CAMKK2: variants seen among roughly 807,000 people sequenced by gnomAD.
The protein encoded by CAMKK2 is calcium/calmodulin dependent protein kinase kinase 2.
A neutral mutation model predicts 67.2 loss-of-function variants in CAMKK2; 30 were observed. The observed-to-expected ratio is 0.45, with a 90% CI of 0.33 to 0.61. The LOEUF is 0.61. Among genes scored for constraint, CAMKK2 ranks in the 20% least tolerant of loss-of-function variants. The pLI is 0.02. For synonymous variants in CAMKK2, 322 were observed against 326.2 expected, an observed-to-expected ratio of 0.99 and a Z score of 0.14; for missense variants, 643 against 802.0, an observed-to-expected ratio of 0.80 and a Z score of 2.39.
chr12:121,269,159 G>T (rs566938887), intron 4 of CAMKK2, among the ~76,000 whole-genome samples: 1 of 152,064 alleles, frequency 6.6e-6, no homozygotes, highest in Non-Finnish European at 1.5e-5. Context: ...ACTTGTCAAG[G>T]TCACATGGTT....
At chr12:121,278,811 A>G (rs1897244480) in intron 1 of CAMKK2, among the ~76,000 whole-genome samples, 1 of 152,250 alleles carries the variant, frequency 6.6e-6, no homozygotes. Flanking sequence ...GGACTAATAC[A>G]GATGCCCATG....
At chr12:121,293,030 C>T (rs1323218096) in intron 1 of CAMKK2, among the ~76,000 whole-genome samples, 3 of 151,650 alleles carry the variant, frequency 2.0e-5, no homozygotes, top group Non-Finnish European at 2.9e-5. Context: ...AATCCCAGCA[C>T]TTTGGGAGGC....
At chr12:121,247,945 C>T (rs1005618836) in intron 14 of CAMKK2, among the ~76,000 whole-genome samples, 2 of 152,188 alleles carry the variant, frequency 1.3e-5, no homozygotes, top group African/African-American at 4.8e-5. Flanking sequence ...CCCAAGCCTG[C>T]TGCCTGGAAC....
At chr12:121,295,541 T>C (rs1283089236) in intron 1 of CAMKK2, among the ~76,000 whole-genome samples, 1 of 152,064 alleles carries the variant, frequency 6.6e-6, no homozygotes, top group African/African-American at 2.4e-5. Context: ...TCCTCTTCTC[T>C]CTCCTCTGGG....
At chr12:121,246,267 C>T (rs957753534) in intron 14 of CAMKK2, among the ~76,000 whole-genome samples, 1 of 147,324 alleles carries the variant, frequency 6.8e-6, no homozygotes, top group Non-Finnish European at 1.5e-5. Context: ...GGGGGGGAGG[C>T]GGGCGTGGTG....
intron 7 of CAMKK2, among the ~76,000 whole-genome samples, chr12:121,256,067 T>G (rs973829566): frequency 3.9e-5 from 6 of 152,108 alleles, no homozygotes; most frequent in Admixed American, 3.3e-4. Context: ...TGGCCCAGGA[T>G]CCACTGGTCA....
chr12:121,285,295 G>A lies in CAMKK2; in HGVS notation c.-59-10710C>T, dbSNP rs575758712. ...AGGCGGACAGATCACTTGAGGCCAG[G>A]AGTTCGAGACCAGCCTAGCCAACAT... is the stretch of plus-strand genomic sequence containing the variant. On this transcript the variant is annotated intron_variant, in intron 1 of 16. Coordinates refer to ENST00000404169, the MANE Select transcript of CAMKK2 (RefSeq NM_001270485.2). This position sits in a 1 kb window ranked among gnomAD's most constrained non-coding sequence, Gnocchi z 4.1. Among the ~76,000 whole-genome samples the A allele has an allele frequency of 9.8e-5, 15 of 152,330 alleles. No individual in the cohort carries two copies. The South Asian group carries it at 3.1e-3, about 32-fold the overall frequency.
intron 5 of CAMKK2, among the ~76,000 whole-genome samples, chr12:121,266,241 TGAACCA>T: frequency 6.6e-6 from 1 of 152,212 alleles, no homozygotes; most frequent in African/African-American, 2.4e-5. Context: ...GTGCTAACTA[TGAACCA>T]GCCTCCAGAA....
chr12:121,248,194 C>A (rs1889886338), intron 14 of CAMKK2, among the ~76,000 whole-genome samples: 1 of 152,162 alleles, frequency 6.6e-6, no homozygotes, highest in South Asian at 2.1e-4. Flanking sequence ...GAAGTCCCTG[C>A]CCCTACCCCT....
chr12:121,258,904 G>A (rs1808636), intron 7 of CAMKK2, among the ~76,000 whole-genome samples: 2,159 of 148,138 alleles, frequency 0.015, 54 homozygotes, highest in African/African-American at 0.051. Flanking sequence ...ATGCAGTGGC[G>A]CCATCTTGGC....
chr12:121,240,434 C>T lies in CAMKK2; in HGVS notation c.*265G>A. Reference sequence around the variant, plus strand: ...TAAAAACGTTTTAAAAAGCAATTGTCCCAAAATGCACGTGGGTTTGGGTCT... The same window carrying T: ...TAAAAACGTTTTAAAAAGCAATTGTTCCAAAATGCACGTGGGTTTGGGTCT... On this transcript the variant is annotated 3_prime_UTR_variant, in exon 17 of 17. Transcript: ENST00000404169. The surrounding 1 kb of genome is among the most constrained non-coding windows in gnomAD (Gnocchi z 4.4). The T allele has an allele frequency of 6.6e-7, 1 of 1,521,084 alleles. No homozygotes were observed. Among genetic ancestry groups the T allele is most frequent in the Non-Finnish European group, 8.8e-7 (1 of 1,142,834 alleles). The allele number at this position is 1,521,084 out of a possible 1,614,324, so 94.2% of individuals were successfully genotyped here.
chr12:121,270,996 G>A, intron 2 of CAMKK2, 51 bp from the exon 3 acceptor site: 1 of 1,499,992 alleles, frequency 6.7e-7, no homozygotes, highest in Non-Finnish European at 9.3e-7. Context: ...TTTGCAACTA[G>A]AGGCCAGGCA....
At chr12:121,260,438 C>T in intron 6 of CAMKK2, 83 bp from the exon 7 acceptor site, 8 of 1,314,060 alleles carry the variant, frequency 6.1e-6, no homozygotes, top group Non-Finnish European at 6.5e-6. Flanking sequence ...GAGGAGGCAG[C>T]ATCCACGTGG....
intron 1 of CAMKK2, among the ~76,000 whole-genome samples, chr12:121,284,689 G>A (rs528711176): frequency 1.6e-4 from 25 of 152,318 alleles, no homozygotes; most frequent in East Asian, 3.9e-4. Context: ...CACATATTGC[G>A]TCCTGAATAA....
In CAMKK2 at chr12:121,263,789, C is replaced by A. The variant is rs200558849; in HGVS notation, c.759+17G>T. On this transcript the variant is annotated intron_variant, in intron 6 of 16. Transcript: ENST00000404169. ...AGCCAGGGCCTCCCTCCCTCCTGGG[C>A]GCCTCCACCCTTTTACCTCCACCAG... is the stretch of plus-strand genomic sequence containing the variant. 25 of 1,588,382 alleles carry A rather than the reference C, an allele frequency of 1.6e-5. No homozygotes were observed. The highest frequency in any genetic ancestry group is 3.4e-4 in the Middle Eastern group (2 of 5,966).
intron 1 of CAMKK2, among the ~76,000 whole-genome samples, chr12:121,280,065 C>T (rs1454818546): frequency 6.6e-6 from 1 of 152,228 alleles, no homozygotes; most frequent in African/African-American, 2.4e-5. Flanking sequence ...CTGCCAAGGC[C>T]ACGGACGATG....
chr12:121,288,301 T>TA (rs1365068477), intron 1 of CAMKK2, among the ~76,000 whole-genome samples: 1 of 152,194 alleles, frequency 6.6e-6, no homozygotes, highest in South Asian at 2.1e-4. Context: ...CAGGCATCGG[T>TA]GCCTGGGCTA....
chr12:121,291,066 C>T (rs1246678846), intron 1 of CAMKK2, among the ~76,000 whole-genome samples: 3 of 152,154 alleles, frequency 2.0e-5, no homozygotes, highest in South Asian at 4.1e-4. Flanking sequence ...GTGATCCACC[C>T]GCCTTGGCCT....
At chr12:121,256,316 T>C (rs55768259) in intron 7 of CAMKK2, among the ~76,000 whole-genome samples, 4,073 of 152,154 alleles carry the variant, frequency 0.027, 196 homozygotes, top group African/African-American at 0.093. Flanking sequence ...ACAGCGGAGG[T>C]TGCAGTGAGC....
Sources: allele counts gnomAD v4.1 joint callset (sites outside exome capture counted in the v4.1 genomes callset), GRCh38; gene constraint gnomAD v4.1.1; non-coding constraint Gnocchi (gnomAD v3.1); transcripts MANE v1.5; gene names NCBI Gene and HGNC (gene_info 2026-07-23, HGNC 2026-07-21).